The following DLGAP2 variants were observed in gnomAD, a reference collection of about 807,000 sequenced individuals.
The protein encoded by DLGAP2 is disks large-associated protein 2.
DLGAP2 carries 26 observed loss-of-function variants against 100.3 expected under a neutral mutation model. That is an observed-to-expected ratio of 0.26 (90% CI 0.19 to 0.36). The LOEUF is 0.36. Ranked by LOEUF, DLGAP2 falls within the 10% of genes least tolerant of loss-of-function variation. DLGAP2 has a pLI of 1.00. For synonymous variants in DLGAP2, 886 were observed against 630.1 expected (o/e 1.41, Z -6.08); for missense variants, 1,858 against 1,453.2 (o/e 1.28, Z -4.53).
rs1049670701 is a variant in DLGAP2 at position 863,962 on chromosome 8, A to G, written c.19-43950A>G. Reference sequence around the variant, plus strand: ...AGAAACGGAATCAGCCTGTGTGTCCATCAACAGGTGAATGGATAAAGAAAA... The same window carrying G: ...AGAAACGGAATCAGCCTGTGTGTCCGTCAACAGGTGAATGGATAAAGAAAA... On this transcript the variant is annotated intron_variant, in intron 1 of 14. Transcript: ENST00000637795. Among the ~76,000 whole-genome samples, 8 of 152,212 alleles carry G rather than the reference A, an allele frequency of 5.3e-5. No individual in the cohort carries two copies. The South Asian group carries it at 8.3e-4, about 16-fold the overall frequency.
intron 2 of DLGAP2, chr8:910,315 C>T (rs1306765943): frequency 6.6e-6 from 1 of 152,212 alleles, no homozygotes; most frequent in Non-Finnish European, 1.5e-5. Flanking sequence ...CTGAATTAAA[C>T]ATGGCTGCTT....
intron 3 of DLGAP2, chr8:1,300,179 T>G (rs1273286392): frequency 2.0e-5 from 3 of 152,224 alleles, no homozygotes; most frequent in Admixed American, 6.5e-5. Context: ...CTAGCAATGT[T>G]CAAAGCCAAT....
intron 1 of DLGAP2, among the ~76,000 whole-genome samples, chr8:745,968 C>G (rs1253482999): frequency 6.6e-6 from 1 of 152,216 alleles, no homozygotes; most frequent in Non-Finnish European, 1.5e-5. Context: ...TATGGGGGTC[C>G]GCACCACCCC....
At chr8:1,357,536 A>G (rs747277538) in intron 3 of DLGAP2, among the ~76,000 whole-genome samples, 2 of 152,120 alleles carry the variant, frequency 1.3e-5, no homozygotes, top group Non-Finnish European at 2.9e-5. Context: ...TGAGACAGCA[A>G]ATATTTCCCG....
chr8:877,356 C>G lies in DLGAP2; in HGVS notation c.19-30556C>G, dbSNP rs539676550. On this transcript the variant is annotated intron_variant, in intron 1 of 14. Transcript: ENST00000637795. ...GGGTTTGTTTAGAGGAGTCTAGACTCTCTGCCCTGTCCCCCATGGTGTTTA... is the reference window on the plus strand; with the variant it reads ...GGGTTTGTTTAGAGGAGTCTAGACTGTCTGCCCTGTCCCCCATGGTGTTTA... Among the ~76,000 whole-genome samples, 3 of 152,298 alleles carry G rather than the reference C, an allele frequency of 2.0e-5. No individual in the cohort carries two copies. In the East Asian group the frequency reaches 5.8e-4, roughly 29 times the overall value.
intron 3 of DLGAP2, among the ~76,000 whole-genome samples, chr8:1,274,987 G>C (rs1053609890): frequency 2.0e-5 from 3 of 152,116 alleles, no homozygotes; most frequent in African/African-American, 7.2e-5. Flanking sequence ...CGCAGTCCCA[G>C]CTGTCTGATT....
intron 3 of DLGAP2, among the ~76,000 whole-genome samples, chr8:1,261,572 C>T: frequency 1.4e-5 from 1 of 71,704 alleles, no homozygotes; most frequent in East Asian, 3.9e-4. Context: ...GGAGGGGGGG[C>T]TGGGCAGTGG....
At chr8:1,484,685 T>C (rs1160806278) in intron 3 of DLGAP2, among the ~76,000 whole-genome samples, 2 of 152,208 alleles carry the variant, frequency 1.3e-5, no homozygotes, top group East Asian at 1.9e-4. Flanking sequence ...TAGAAAGATA[T>C]TCATGTTGTT....
rs181087542 is a variant in DLGAP2 at position 1,213,867 on chromosome 8, A to G, written c.74-44984A>G. Among the ~76,000 whole-genome samples, 26 of 152,292 alleles carry G rather than the reference A, an allele frequency of 1.7e-4. No individual in the cohort carries two copies. The East Asian group carries it at 3.7e-3, about 21-fold the overall frequency. ...CCCTGCTTGCCTAGAAGATGAGCACATGGCAGACTCCGCCCCATCACTCGG... is the reference window on the plus strand; with the variant it reads ...CCCTGCTTGCCTAGAAGATGAGCACGTGGCAGACTCCGCCCCATCACTCGG... On this transcript the variant is annotated intron_variant, in intron 2 of 14. Coordinates refer to ENST00000637795, the MANE Select transcript of DLGAP2 (RefSeq NM_001346810.2).
At chr8:905,011 A>G (rs925265801) in intron 1 of DLGAP2, among the ~76,000 whole-genome samples, 2 of 152,168 alleles carry the variant, frequency 1.3e-5, no homozygotes, top group South Asian at 2.1e-4. Context: ...GCTGGTCTGG[A>G]TTTAATGCAC....
intron 1 of DLGAP2, among the ~76,000 whole-genome samples, chr8:793,019 T>C (rs962651162): frequency 1.3e-5 from 2 of 152,236 alleles, no homozygotes; most frequent in African/African-American, 4.8e-5. Flanking sequence ...TTTCAGAAGA[T>C]TATTAGTTGA....
In DLGAP2 at chr8:1,317,281, A is replaced by G. The variant is rs1157793329; in HGVS notation, c.106+58398A>G. On this transcript the variant is annotated intron_variant, in intron 3 of 14. Transcript: ENST00000637795. ...TGCAGCGTCTCTCCAACAGTGGTCT[A>G]CACTCGAGAAACTCGGCAGCTTTTA... 2.1e-5 allele frequency among the ~76,000 whole-genome samples: 3 copies of G among 140,120 alleles called. No homozygotes were observed. The Admixed American group carries it at 2.2e-4, about 10-fold the overall frequency. The allele number at this position is 140,120 out of a possible 152,430, so 91.9% of individuals were successfully genotyped here.
chr8:1,538,036 A>C (rs1288511049), intron 4 of DLGAP2, among the ~76,000 whole-genome samples: 3 of 152,048 alleles, frequency 2.0e-5, no homozygotes, highest in African/African-American at 7.2e-5. Context: ...GCCTCATGCA[A>C]AGTGCCTGCA....
intron 2 of DLGAP2, among the ~76,000 whole-genome samples, chr8:1,241,110 GGTTCTCTCGCATGGCGCCGTGTCTA>G (rs1563274368): frequency 5.7e-5 from 4 of 70,272 alleles, no homozygotes; most frequent in Non-Finnish European, 1.1e-4. Flanking sequence ...CGCCGTGTCT[GGTTCTCTCGCATGGCGCCGTGTCTA>G]GTTCTCTCAC....
chr8:1,275,826 A>AT (rs1799673268), intron 3 of DLGAP2, among the ~76,000 whole-genome samples: 2 of 63,604 alleles, frequency 3.1e-5, no homozygotes, highest in Non-Finnish European at 6.0e-5. Flanking sequence ...TAATATATAA[A>AT]AATAAATATA....
At chr8:1,696,676 C>T (rs1254783673) in intron 13 of DLGAP2, among the ~76,000 whole-genome samples, 2 of 152,190 alleles carry the variant, frequency 1.3e-5, no homozygotes, top group Admixed American at 6.5e-5. Context: ...TGGCGCATTA[C>T]ATTTGTAAGG....
chr8:825,021 C>T (rs949174003), intron 1 of DLGAP2, among the ~76,000 whole-genome samples: 4 of 152,140 alleles, frequency 2.6e-5, no homozygotes, highest in Non-Finnish European at 5.9e-5. Context: ...CAAGCAGCAC[C>T]CTGTGTTGAC....
intron 13 of DLGAP2, among the ~76,000 whole-genome samples, chr8:1,693,356 T>C (rs1799302444): frequency 6.6e-6 from 1 of 150,726 alleles, no homozygotes; most frequent in Non-Finnish European, 1.5e-5. Flanking sequence ...TAATATATTT[T>C]ATATATACTA....
rs374056818 is a variant in DLGAP2, at chr8:1,070,735, C to G, written c.73+162769C>G. On this transcript the variant is annotated intron_variant, in intron 2 of 14. Coordinates refer to ENST00000637795, the MANE Select transcript of DLGAP2 (RefSeq NM_001346810.2). ...AAAGTTAGCCTTCAAAACTGTTTTC[C>G]CTCAGCTAGTATTTGGAATGAATGA... is the stretch of plus-strand genomic sequence containing the variant. Among the ~76,000 whole-genome samples, 5 of 152,270 alleles carry G rather than the reference C, an allele frequency of 3.3e-5. 1 individual carries two copies. The highest frequency in any genetic ancestry group is 4.1e-4 in the South Asian group (2 of 4,822).
Sources: gnomAD v4.1 joint callset for allele counts (sites outside exome capture counted in the v4.1 genomes callset) on GRCh38, gnomAD v4.1.1 for gene constraint, MANE v1.5 for transcripts, NCBI Gene and HGNC (gene_info 2026-07-23, HGNC 2026-07-21) for gene names.